The following ANKRD52 variants were observed in gnomAD, a reference collection of about 807,000 sequenced individuals.
ANKRD52 encodes the protein serine/threonine-protein phosphatase 6 regulatory ankyrin repeat subunit C.
Under a neutral mutation model 116.0 loss-of-function variants are expected in ANKRD52, and 7 were observed. That is an observed-to-expected ratio of 0.06 (90% confidence interval 0.03 to 0.11). The LOEUF (loss-of-function observed/expected upper bound fraction) is 0.11. Among genes scored for constraint, ANKRD52 ranks in the 10% least tolerant of loss-of-function variants. The pLI, the probability that ANKRD52 is intolerant of heterozygous loss-of-function variation, is 1.00. For synonymous variants in ANKRD52, 528 were observed against 578.1 expected (o/e 0.91, Z 1.24); for missense variants, 839 against 1,408.6 (o/e 0.60, Z 6.47).
Position 56,245,593 on chromosome 12 carries a change from C to A in ANKRD52, c.2188G>T (p.Val730Leu). The stretch of plus-strand genomic sequence containing the variant: ...GCCAGGCAGTCCTCACAGCCAGTCA[C>A]TGCCTGTGAGTAACATGGGGGTGTG... Reference protein sequence around the residue: ...RGRTALHRGAVTGCEDCLAAL... With the variant: ...RGRTALHRGALTGCEDCLAAL... Residue 730 changes from valine (V) to leucine (L), a missense_variant, in exon 21 of 28, where the codon GTG (valine) becomes TTG (leucine). Physicochemically the swap from Val to Leu is conservative, Grantham distance 32. Transcript: ENST00000267116. 1 of 1,604,966 alleles carries A rather than the reference C, an allele frequency of 6.2e-7. No individual in the cohort carries two copies. Among genetic ancestry groups the A allele is most frequent in the Non-Finnish European group, 8.5e-7 (1 of 1,177,860 alleles).
chr12:56,245,707 T>TA, intron 20 of ANKRD52, 111 bp from the exon 21 acceptor site: 117 of 708,568 alleles, frequency 1.7e-4, no homozygotes, highest in Non-Finnish European at 2.3e-4. Context: ...CCAATCCTTG[T>TA]CTTTTTTTTT....
chr12:56,250,162 A>G (rs1262236686), intron 15 of ANKRD52, among the ~76,000 whole-genome samples: 1 of 152,132 alleles, frequency 6.6e-6, no homozygotes, highest in African/African-American at 2.4e-5. Flanking sequence ...GCGCAACTGC[A>G]CTAGAGCCTG....
In ANKRD52 at chr12:56,243,936, G is replaced by C; in HGVS notation, c.2889-60C>G. 3 of 1,597,256 alleles carry C rather than the reference G, an allele frequency of 1.9e-6. No individual in the cohort carries two copies. The highest frequency in any genetic ancestry group is 2.6e-6 in the Non-Finnish European group (3 of 1,170,028). On this transcript the variant is annotated intron_variant, in intron 26 of 27. Coordinates refer to ENST00000267116, the MANE Select transcript of ANKRD52 (RefSeq NM_173595.4). This position sits in a 1 kb window ranked among gnomAD's most constrained non-coding sequence, Gnocchi z 4.6. ...AAGCTGCCCTTCCACCTCCAGACAG[G>C]GTGGCAAGGGTGCTGAACAAATACA...
In ANKRD52 at chr12:56,255,778, C is replaced by A. The variant is rs368000752; in HGVS notation, c.462+6G>T. The A allele has an allele frequency of 2.5e-5, 39 of 1,562,228 alleles. No individual in the cohort carries two copies. The African/African-American group carries it at 5.3e-4, about 21-fold the overall frequency. ...CCAGCTGGGCCTGGATGGGAACAGT[C>A]CTCACCTCAAGATGCCCACTATGCA... On this transcript the variant is annotated splice_donor_region_variant and intron_variant, in intron 5 of 27. Coordinates refer to ENST00000267116, the MANE Select transcript of ANKRD52 (RefSeq NM_173595.4). The surrounding 1 kb of genome is among the most constrained non-coding windows in gnomAD (Gnocchi z 4.3).
chr12:56,253,004 C>A lies in ANKRD52; in HGVS notation c.1183G>T (p.Gly395Cys). ...CAATCCCCAGCCCATCAGCACATAC[C>A]TGAGGAAAGAAGCTTACGACAACAG... is the stretch of plus-strand genomic sequence containing the variant. Reference protein sequence around the residue: ...SDCCRKLLSSGQLYSIVSSLS... With the variant: ...SDCCRKLLSSCQLYSIVSSLS... The change falls in exon 11 of 28, where the codon GGT (glycine) becomes TGT (cysteine). Residue 395 changes from glycine (G) to cysteine (C), a missense_variant and splice_region_variant. Gly to Cys is a radical substitution (Grantham distance 159). Coordinates refer to ENST00000267116, the MANE Select transcript of ANKRD52 (RefSeq NM_173595.4). This position sits in a 1 kb window ranked among gnomAD's most constrained non-coding sequence, Gnocchi z 5.5. The A allele has an allele frequency of 6.3e-7, 1 of 1,586,002 alleles. No homozygotes were observed. The highest frequency in any genetic ancestry group is 1.8e-5 in the Admixed American group (1 of 54,862).
chr12:56,252,889 A>G lies in ANKRD52; in HGVS notation c.1192T>C (p.Tyr398His). Residue 398 changes from tyrosine to histidine, a missense_variant, in exon 12 of 28, where the codon TAC becomes CAC. This residue lies in a region of ANKRD52 where 287 missense variants were observed against 598.1 expected (regional missense o/e 0.48). Transcript: ENST00000267116. This position sits in a 1 kb window ranked among gnomAD's most constrained non-coding sequence, Gnocchi z 4.7. ...CRKLLSSGQL[Y>H]SIVSSLSNEH... The stretch of plus-strand genomic sequence containing the variant: ...TTGCTGAGTGAAGACACAATGCTGT[A>G]CAACTGACCTGGAGGCACAGAACAG... 1 of 1,613,848 alleles carries G rather than the reference A, an allele frequency of 6.2e-7. No individual in the cohort carries two copies. Among genetic ancestry groups the G allele is most frequent in the South Asian group, 1.1e-5 (1 of 91,024 alleles).
intron 19 of ANKRD52, 35 bp downstream of exon 19, chr12:56,247,652 T>C: frequency 1.3e-6 from 2 of 1,599,274 alleles, no homozygotes; most frequent in Non-Finnish European, 1.7e-6. Context: ...CCGCAAGGAC[T>C]GGAAAACCTG....
chr12:56,241,012 T>C lies in ANKRD52; in HGVS notation c.*2130A>G, dbSNP rs1201879468. The stretch of plus-strand genomic sequence containing the variant: ...CCAAGATGAGAGGGAGGGGGTGGAA[T>C]GGGAAGATTTCAGGAGAGAGAATTG... On this transcript the variant is annotated 3_prime_UTR_variant, in exon 28 of 28. Coordinates refer to ENST00000267116, the MANE Select transcript of ANKRD52 (RefSeq NM_173595.4). 1 of 151,396 alleles carries C rather than the reference T, an allele frequency of 6.6e-6. No homozygotes were observed. 9.4% of individuals were successfully genotyped at this position (151,396 alleles called of 1,614,324 possible).
At chr12:56,245,325 TAC>T (rs1289489308) in intron 21 of ANKRD52, 50 bp downstream of exon 21, 22 of 1,601,820 alleles carry the variant, frequency 1.4e-5, no homozygotes, top group Non-Finnish European at 1.6e-5. Flanking sequence ...TGTCCCCCTC[TAC>T]ACACACTCCA....
At position 56,254,387 on chromosome 12, in the gene ANKRD52, G is replaced by C. The variant is rs894343722; in HGVS notation, c.694-108C>G. On this transcript the variant is annotated intron_variant, in intron 7 of 27. Coordinates refer to ENST00000267116, the MANE Select transcript of ANKRD52 (RefSeq NM_173595.4). This position sits in a 1 kb window ranked among gnomAD's most constrained non-coding sequence, Gnocchi z 4.6. ...TCCAACGACTGCCTCATTTCCTCTC[G>C]GGTTTATGACCCAAGGTACTAAGGT... The C allele has an allele frequency of 8.2e-6, 12 of 1,456,494 alleles. No homozygotes were observed. The highest frequency in any genetic ancestry group is 1.0e-5 in the Non-Finnish European group (11 of 1,063,936). 90.2% of individuals were successfully genotyped at this position (1,456,494 alleles called of 1,614,324 possible).
intron 20 of ANKRD52, among the ~76,000 whole-genome samples, chr12:56,246,326 G>A (rs193262818): frequency 1.3e-3 from 202 of 152,182 alleles, no homozygotes; most frequent in African/African-American, 4.5e-3. Context: ...CACCATGCCC[G>A]GCCCTTTACA....
Position 56,253,224 on chromosome 12 carries a change from G to T in ANKRD52, c.1100+64C>A. 6.6e-7 allele frequency: 1 copy of T among 1,523,418 alleles called. No homozygotes were observed. The highest frequency in any genetic ancestry group is 9.0e-7 in the Non-Finnish European group (1 of 1,107,798). 94.4% of individuals were successfully genotyped at this position (1,523,418 alleles called of 1,614,324 possible). A position where few individuals can be genotyped will look rare whatever the true frequency, so the allele number is the denominator to read the frequency against. ...TTGGCAAGCTTATCTGTGCCTCCAT[G>T]GTTGATGTGAGCAGTCTGTGCAGAT... is the stretch of plus-strand genomic sequence containing the variant. On this transcript the variant is annotated intron_variant, in intron 10 of 27. Coordinates refer to ENST00000267116, the MANE Select transcript of ANKRD52 (RefSeq NM_173595.4). This position sits in a 1 kb window ranked among gnomAD's most constrained non-coding sequence, Gnocchi z 5.5.
chr12:56,244,947 A>G lies in ANKRD52; in HGVS notation c.2535T>C (p.Ala845=), dbSNP rs762034693. The part of the protein sequence containing the change: ...QDSTTEMLLG[A]LGAKIVNSRD... Reference sequence around the variant, plus strand: ...GGCTGTTCACAATCTTGGCACCCAGAGCTCCCAGTAGCATCTCTGTGGTGC... The same window carrying G: ...GGCTGTTCACAATCTTGGCACCCAGGGCTCCCAGTAGCATCTCTGTGGTGC... Residue 845 remains alanine, a synonymous_variant, in exon 23 of 28, where the codon GCT becomes GCC. Coordinates refer to ENST00000267116, the MANE Select transcript of ANKRD52 (RefSeq NM_173595.4). The surrounding 1 kb of genome is among the most constrained non-coding windows in gnomAD (Gnocchi z 4.9). 5.0e-6 allele frequency: 8 copies of G among 1,613,778 alleles called. No homozygotes were observed. The highest frequency in any genetic ancestry group is 1.7e-5 in the Admixed American group (1 of 59,994).
intron 2 of ANKRD52, 71 bp from the exon 3 acceptor site, chr12:56,257,432 C>T: frequency 7.5e-7 from 1 of 1,326,960 alleles, no homozygotes; most frequent in Non-Finnish European, 1.1e-6. Context: ...CAGCCCAAGT[C>T]TCAGAGCTCC....
In ANKRD52 at chr12:56,245,468, C is replaced by T. The variant is rs767151609; in HGVS notation, c.2313G>A (p.Arg771=). 2.5e-6 allele frequency: 4 copies of T among 1,612,630 alleles called. No individual in the cohort carries two copies. The South Asian group carries it at 4.4e-5, about 18-fold the overall frequency. The change falls in exon 21 of 28, where the codon CGG becomes CGA. Residue 771 remains arginine (R), a synonymous_variant. Coordinates refer to ENST00000267116, the MANE Select transcript of ANKRD52 (RefSeq NM_173595.4). ...ASACGHTAVL[R]TLLQAALSTD... is the part of the protein sequence containing the mutation. ...TGGAAAGGGCAGCCTGCAGCAGGGT[C>T]CGCAGTACTGCAGTGTGGCCACAGG... is the stretch of plus-strand genomic sequence containing the variant.
intron 2 of ANKRD52, 67 bp downstream of exon 2, chr12:56,257,761 G>A (rs1269289364): frequency 1.4e-5 from 21 of 1,493,104 alleles, no homozygotes; most frequent in Non-Finnish European, 1.8e-5. Context: ...CGCCCCACCG[G>A]TGGGGAGGGG....
rs540113641 is a variant in ANKRD52 at position 56,257,421 on chromosome 12, C to G, written c.112-60G>C. On this transcript the variant is annotated intron_variant, in intron 2 of 27. Transcript: ENST00000267116. ...CGGGGTAAGGGGGCTATCAAGGACC[C>G]CAGCCCAAGTCTCAGAGCTCCAGGC... The G allele has an allele frequency of 1.6e-5, 22 of 1,418,588 alleles. No individual in the cohort carries two copies. In the African/African-American group the frequency reaches 2.7e-4, roughly 17 times the overall value. The allele number at this position is 1,418,588 out of a possible 1,614,324, so 87.9% of individuals were successfully genotyped here. A position where few individuals can be genotyped will look rare whatever the true frequency, so the allele number is the denominator to read the frequency against.
chr12:56,244,844 G>A lies in ANKRD52; in HGVS notation c.2577-47C>T, dbSNP rs758681973. 3.1e-6 allele frequency: 5 copies of A among 1,613,848 alleles called. No homozygotes were observed. The Admixed American group carries it at 8.3e-5, about 27-fold the overall frequency. The stretch of plus-strand genomic sequence containing the variant: ...AGATTAAAATAGGGAAGAGTATACT[G>A]CCCAAGCAGAAAGGGGAAGCCAGAG... On this transcript the variant is annotated intron_variant, in intron 23 of 27. Transcript: ENST00000267116. The surrounding 1 kb of genome is among the most constrained non-coding windows in gnomAD (Gnocchi z 4.9).
chr12:56,250,653 G>A (rs1357507243), intron 15 of ANKRD52, among the ~76,000 whole-genome samples: 1 of 150,932 alleles, frequency 6.6e-6, no homozygotes, highest in Non-Finnish European at 1.5e-5. Context: ...GGAGTCTGAG[G>A]CAGGAGGATT....
Sources: gnomAD v4.1 joint callset for allele counts (sites outside exome capture counted in the v4.1 genomes callset) on GRCh38, gnomAD v4.1.1 for gene constraint, gnomAD v4.1.1 regional missense constraint, Gnocchi (gnomAD v3.1) non-coding constraint, MANE v1.5 for transcripts, NCBI Gene and HGNC (gene_info 2026-07-23, HGNC 2026-07-21) for gene names.